CIROP: variants seen among roughly 807,000 people sequenced by gnomAD.
The protein encoded by CIROP is leishmanolysin homolog.
At chr14:23,103,080 C>T in the CIROP span, 1 of 471,690 alleles carries the variant, frequency 2.1e-6, no homozygotes, top group Non-Finnish European at 3.7e-6. Flanking sequence ...AGGGTAGGGC[C>T]AGAAAGGAGA....
the CIROP span, chr14:23,104,253 A>G: frequency 6.0e-6 from 4 of 666,118 alleles, no homozygotes; most frequent in South Asian, 3.2e-5. Context: ...CTTTGCCCCC[A>G]GGCAACTCTC....
At chr14:23,099,703 G>GCGCA in the CIROP span, 1 of 339,280 alleles carries the variant, frequency 2.9e-6, no homozygotes, top group South Asian at 1.6e-4. Flanking sequence ...GGGACTACAG[G>GCGCA]CGCACGCCGC....
At chr14:23,102,127 T>C in the CIROP span, 1 of 703,020 alleles carries the variant, frequency 1.4e-6, no homozygotes, top group Non-Finnish European at 2.6e-6. Flanking sequence ...AGCGCTGTGG[T>C]TGACCTGGTA....
At chr14:23,099,559 T>A in the CIROP span, 1 of 223,566 alleles carries the variant, frequency 4.5e-6, no homozygotes, top group Admixed American at 6.5e-5. Flanking sequence ...GGCATTACCT[T>A]TTTTTTTTTT....
chr14:23,100,292 G>GA, the CIROP span: 1 of 395,646 alleles, frequency 2.5e-6, no homozygotes, highest in Non-Finnish European at 4.6e-6. Context: ...AGGGGACTAA[G>GA]ATCCCTATGT....
the CIROP span, chr14:23,103,835 T>A: frequency 1.4e-6 from 1 of 700,886 alleles, no homozygotes; most frequent in South Asian, 1.5e-5. Flanking sequence ...GGGAGTGAAA[T>A]GTTGCATTAG....
At chr14:23,102,745 C>A in the CIROP span, 1 of 702,886 alleles carries the variant, frequency 1.4e-6, no homozygotes, top group Non-Finnish European at 2.6e-6. Context: ...GTAAGGGGGC[C>A]GAATTTGCAG....
chr14:23,101,486 G>A, the CIROP span: 5 of 608,520 alleles, frequency 8.2e-6, no homozygotes, highest in Non-Finnish European at 1.5e-5. Context: ...AAGAAGCAAC[G>A]GCTCTGGGGA....
the CIROP span, chr14:23,100,732 T>C: frequency 2.5e-6 from 1 of 398,874 alleles, no homozygotes; most frequent in East Asian, 3.6e-5. Flanking sequence ...TGGCAGAGTA[T>C]ATCTCATGAA....
chr14:23,101,654 C>G, the CIROP span: 1 of 703,032 alleles, frequency 1.4e-6, no homozygotes, highest in Non-Finnish European at 2.6e-6. Context: ...ATTGTCTGCT[C>G]TCTTATCTAC....
chr14:23,104,648 G>A, the CIROP span: 2 of 702,812 alleles, frequency 2.8e-6, no homozygotes, highest in Non-Finnish European at 5.2e-6. Flanking sequence ...CTGCGGCCAG[G>A]GCTCGGGATC....
the CIROP span, chr14:23,099,557 C>CTTTTTT: frequency 9.7e-6 from 3 of 308,642 alleles, no homozygotes; most frequent in African/African-American, 2.5e-5. Flanking sequence ...GCGGCATTAC[C>CTTTTTT]TTTTTTTTTT....
the CIROP span, chr14:23,104,313 G>A: frequency 1.3e-5 from 9 of 696,470 alleles, no homozygotes; most frequent in Admixed American, 1.4e-4. Flanking sequence ...ATGAAGATCT[G>A]TAGGTGAGCT....
the CIROP span, chr14:23,100,471 A>C: frequency 2.4e-6 from 1 of 413,456 alleles, no homozygotes; most frequent in Non-Finnish European, 4.4e-6. Flanking sequence ...GACTCCATGG[A>C]TTTGAAAGGA....
chr14:23,102,461 T>C, the CIROP span: 1 of 702,738 alleles, frequency 1.4e-6, no homozygotes, highest in Non-Finnish European at 2.6e-6. Flanking sequence ...GCCTTGTCAC[T>C]AGTTGCCTTG....
the CIROP span, chr14:23,099,210 A>G: frequency 2.4e-6 from 1 of 412,888 alleles, no homozygotes; most frequent in Non-Finnish European, 4.4e-6. Flanking sequence ...AAGTATACAC[A>G]ATAGATTTTC....
At chr14:23,104,154 T>A in the CIROP span, 1 of 595,324 alleles carries the variant, frequency 1.7e-6, no homozygotes, top group Non-Finnish European at 3.0e-6. Context: ...GTGTACTTAT[T>A]TCTGGTTTTC....
At chr14:23,103,121 T>A in the CIROP span, 2 of 451,980 alleles carry the variant, frequency 4.4e-6, no homozygotes, top group Non-Finnish European at 7.7e-6. Context: ...GAAGAAGTCC[T>A]CTGAAAATGG....
the CIROP span, chr14:23,102,667 A>G: frequency 4.3e-6 from 3 of 702,890 alleles, no homozygotes; most frequent in African/African-American, 3.5e-5. Context: ...TTTCTTGAAG[A>G]GCTGTCCAGA....
Sources: gnomAD v4.1 joint callset for allele counts on GRCh38, gnomAD v4.1.1 for gene constraint, MANE v1.5 for transcripts, NCBI Gene and HGNC (gene_info 2026-07-23, HGNC 2026-07-21) for gene names.